Variants in COG4 observed in about 807,000 individuals in gnomAD.
The protein encoded by COG4 is component of oligomeric golgi complex 4.
In COG4, 65 loss-of-function variants were observed where a neutral mutation model predicts 95.1. That is an observed-to-expected ratio of 0.68 (90% CI 0.56 to 0.84). COG4 has a LOEUF of 0.84. Among genes scored for constraint, COG4 ranks in the 40% least tolerant of loss-of-function variants. The pLI, the probability that COG4 is intolerant of heterozygous loss-of-function variation, is 0.00. For synonymous variants in COG4, 421 were observed against 374.8 expected, an observed-to-expected ratio of 1.12 and a Z score of -1.42; for missense variants, 1,045 against 989.1, an observed-to-expected ratio of 1.06 and a Z score of -0.76.
intron 14 of COG4, 75 bp from the exon 15 acceptor site, chr16:70,482,896 C>A (rs1255151407): frequency 2.7e-6 from 3 of 1,119,524 alleles, no homozygotes; most frequent in Middle Eastern, 2.0e-4. Context: ...CTCCCCATCC[C>A]TTCCCTCTAT....
intron 13 of COG4, among the ~76,000 whole-genome samples, chr16:70,489,157 C>T (rs2049193419): frequency 2.0e-5 from 3 of 152,196 alleles, no homozygotes; most frequent in Admixed American, 1.3e-4. Flanking sequence ...TTAGGCAAAC[C>T]TTATCTTAAT....
Position 70,514,339 on chromosome 16 carries a change from T to C in COG4, c.540A>G (p.Lys180=), listed in dbSNP as rs2049777049. The stretch of plus-strand genomic sequence containing the variant: ...CCAACAGTTTCGGATGCTGACCCTC[T>C]TTGCCCTGTCGGCTGAGCTCAATGA... ...KSVIELSRQG[K]EGSMIDANLK... The change falls in exon 4 of 19, where the codon AAA becomes AAG. Residue 180 remains lysine, a synonymous_variant. Coordinates refer to ENST00000323786, the MANE Select transcript of COG4 (RefSeq NM_015386.3). 5 of 1,614,196 alleles carry C rather than the reference T, an allele frequency of 3.1e-6. No individual in the cohort carries two copies. The East Asian group carries it at 1.1e-4, about 36-fold the overall frequency.
chr16:70,490,319 T>A lies in COG4; in HGVS notation c.1710+11A>T, dbSNP rs2049218413. 6.2e-7 allele frequency: 1 copy of A among 1,611,346 alleles called. No individual in the cohort carries two copies. The highest frequency in any genetic ancestry group is 8.5e-7 in the Non-Finnish European group (1 of 1,177,670). On this transcript the variant is annotated intron_variant, in intron 13 of 18. Coordinates refer to ENST00000323786, the MANE Select transcript of COG4 (RefSeq NM_015386.3). ...TGGCTGCTGACCACTGATAGGCAAT[T>A]TCCCTCGTACCTCCAGTGTCTTCTT... is the stretch of plus-strand genomic sequence containing the variant.
At chr16:70,496,603 G>C (rs1275878344) in intron 11 of COG4, among the ~76,000 whole-genome samples, 172 bp from the exon 12 acceptor site, 3 of 152,180 alleles carry the variant, frequency 2.0e-5, no homozygotes, top group Non-Finnish European at 2.9e-5. Flanking sequence ...AAAGTAACCA[G>C]CACCCCGTCA....
At chr16:70,500,858 G>A (rs1030668858) in intron 9 of COG4, 100 bp downstream of exon 9, 22 of 1,448,582 alleles carry the variant, frequency 1.5e-5, no homozygotes, top group Middle Eastern at 1.7e-4. Context: ...GGGCTAATAA[G>A]TTCCAATTGT....
chr16:70,500,128 A>G (rs1433821584), intron 9 of COG4, among the ~76,000 whole-genome samples: 6 of 151,396 alleles, frequency 4.0e-5, no homozygotes, highest in African/African-American at 1.5e-4. Flanking sequence ...CACCATACCC[A>G]GTCAAAATTT....
At chr16:70,513,194 T>C (rs1052166842) in intron 4 of COG4, among the ~76,000 whole-genome samples, 2 of 152,188 alleles carry the variant, frequency 1.3e-5, no homozygotes, top group African/African-American at 2.4e-5. Flanking sequence ...CCTTGGCATA[T>C]GGAGGAGCTT....
rs555920869 is a variant in COG4, at chr16:70,520,536, G to A, written c.172-805C>T. ...AATCCCAGCTACACAGGAGGCTGAGGTAGGAGAATCACTTGAACCCGGGAA... is the reference window on the plus strand; with the variant it reads ...AATCCCAGCTACACAGGAGGCTGAGATAGGAGAATCACTTGAACCCGGGAA... On this transcript the variant is annotated intron_variant, in intron 1 of 18. Transcript: ENST00000323786. Among the ~76,000 whole-genome samples the A allele has an allele frequency of 7.4e-4, 112 of 152,066 alleles. 3 individuals carry two copies. In the South Asian group the frequency reaches 0.022, roughly 30 times the overall value.
intron 12 of COG4, among the ~76,000 whole-genome samples, chr16:70,493,591 T>A (rs1216958684): frequency 6.6e-6 from 1 of 152,080 alleles, no homozygotes; most frequent in Admixed American, 6.6e-5. Flanking sequence ...AAGTGCAGAA[T>A]GGCACAAAAC....
chr16:70,491,781 G>A (rs536151439), intron 12 of COG4, among the ~76,000 whole-genome samples: 2 of 139,238 alleles, frequency 1.4e-5, no homozygotes, highest in South Asian at 4.4e-4. Flanking sequence ...CTGAGATCAC[G>A]CCACTGCACT....
intron 13 of COG4, among the ~76,000 whole-genome samples, chr16:70,486,567 T>G (rs2049140281): frequency 6.6e-6 from 1 of 152,192 alleles, no homozygotes; most frequent in African/African-American, 2.4e-5. Flanking sequence ...GGGAATAGGT[T>G]TTTCAGCTAT....
At chr16:70,500,932 C>T in intron 9 of COG4, 26 bp downstream of exon 9, 1 of 1,613,832 alleles carries the variant, frequency 6.2e-7, no homozygotes, top group Non-Finnish European at 8.5e-7. Flanking sequence ...CTCAACCCTC[C>T]CCAAAAATAT....
At chr16:70,509,139 T>C in intron 7 of COG4, 92 bp downstream of exon 7, 2 of 1,528,144 alleles carry the variant, frequency 1.3e-6, no homozygotes. Flanking sequence ...TCTGCACCTT[T>C]TTTTTCACTT....
rs533816139 is a variant in COG4 at position 70,511,431 on chromosome 16, T to C, written c.738+808A>G. ...GAGGGGAGTGACACACACAGACATA[T>C]AGCTAAAAAACGGCCAGGTGGGGTG... On this transcript the variant is annotated intron_variant, in intron 5 of 18. Coordinates refer to ENST00000323786, the MANE Select transcript of COG4 (RefSeq NM_015386.3). 2.6e-5 allele frequency among the ~76,000 whole-genome samples: 4 copies of C among 151,954 alleles called. No individual in the cohort carries two copies. The South Asian group carries it at 8.3e-4, about 32-fold the overall frequency.
chr16:70,510,069 A>G (rs755861184), intron 5 of COG4, 48 bp from the exon 6 acceptor site: 1 of 1,464,512 alleles, frequency 6.8e-7, no homozygotes, highest in Non-Finnish European at 9.6e-7. Context: ...GGTCACCCTC[A>G]TACCAGGTAT....
At position 70,495,606 on chromosome 16, in the gene COG4, G is replaced by A. The variant is rs138213026; in HGVS notation, c.1647+660C>T. On this transcript the variant is annotated intron_variant, in intron 12 of 18. Transcript: ENST00000323786. ...GGACCTCGGACTGTGCTACTCCCAT[G>A]CGTGCTAAGACAGCGTGTGCCAGAG... 1.7e-3 allele frequency among the ~76,000 whole-genome samples: 260 copies of A among 152,242 alleles called. 1 individual carries two copies. Among genetic ancestry groups the A allele is most frequent in the African/African-American group, 5.9e-3 (244 of 41,542 alleles).
At position 70,500,950 on chromosome 16, in the gene COG4, G is replaced by C; in HGVS notation, c.1195+8C>G. On this transcript the variant is annotated splice_region_variant and intron_variant, in intron 9 of 18. Transcript: ENST00000323786. ...AACCCTCCCCAAAAATATGGGAAAC[G>C]TTTTTACCTTGCTTTACTTCCTCTG... 1 of 1,613,918 alleles carries C rather than the reference G, an allele frequency of 6.2e-7. No individual in the cohort carries two copies. Among genetic ancestry groups the C allele is most frequent in the Non-Finnish European group, 8.5e-7 (1 of 1,179,990 alleles).
chr16:70,482,361 G>T, intron 15 of COG4, 186 bp from the exon 16 acceptor site: 1 of 669,774 alleles, frequency 1.5e-6, no homozygotes, highest in South Asian at 1.6e-5. Context: ...ACAGCCCAGG[G>T]CTGTAGCAGT....
At chr16:70,510,803 G>A (rs949216599) in intron 5 of COG4, among the ~76,000 whole-genome samples, 31 of 148,426 alleles carry the variant, frequency 2.1e-4, no homozygotes, top group African/African-American at 5.7e-4. Context: ...TTCGCTGGTC[G>A]CCCAGGCTGG....
Sources: allele counts gnomAD v4.1 joint callset (sites outside exome capture counted in the v4.1 genomes callset), GRCh38; gene constraint gnomAD v4.1.1; transcripts MANE v1.5; gene names NCBI Gene and HGNC (gene_info 2026-07-23, HGNC 2026-07-21).